The following FXR1 variants were observed in gnomAD, a reference collection of about 807,000 sequenced individuals.
The protein encoded by FXR1 is FMR1 autosomal homolog 1.
Under a neutral mutation model 84.0 loss-of-function variants are expected in FXR1, and 15 were observed. The observed-to-expected ratio is 0.18, with a 90% CI of 0.12 to 0.27. The LOEUF is 0.27. Among genes scored for constraint, FXR1 ranks in the 10% least tolerant of loss-of-function variants. The pLI is 1.00. For synonymous variants in FXR1, 245 were observed against 250.7 expected, an observed-to-expected ratio of 0.98 and a Z score of 0.21; for missense variants, 480 against 774.4, an observed-to-expected ratio of 0.62 and a Z score of 4.51.
chr3:180,933,485 C>CT, intron 2 of FXR1, 99 bp downstream of exon 2: 1 of 722,928 alleles, frequency 1.4e-6, no homozygotes, highest in Admixed American at 2.3e-5. Flanking sequence ...AATGATTTTG[C>CT]TTTTAGGGAG....
Position 180,968,269 on chromosome 3 carries a change from A to G in FXR1, c.1402+15A>G, listed in dbSNP as rs1376517928. 9.3e-6 allele frequency: 14 copies of G among 1,502,334 alleles called. No homozygotes were observed. Among genetic ancestry groups the G allele is most frequent in the Non-Finnish European group, 1.2e-5 (13 of 1,078,684 alleles). 93.1% of individuals were successfully genotyped at this position (1,502,334 alleles called of 1,614,324 possible). On this transcript the variant is annotated intron_variant, in intron 14 of 16. Transcript: ENST00000357559. ...CATCAGTTCTGGTAGTCTTTTCTAT[A>G]CTCTGTCAGCATCCATTATTTGTAA... is the stretch of plus-strand genomic sequence containing the variant.
intron 14 of FXR1, among the ~76,000 whole-genome samples, chr3:180,968,628 A>C (rs971108524): frequency 6.6e-6 from 1 of 152,194 alleles, no homozygotes; most frequent in African/African-American, 2.4e-5. Context: ...GAGAGATGTC[A>C]GTACTTTTCT....
At chr3:180,968,362 CTCA>C in intron 14 of FXR1, 108 bp downstream of exon 14, 1 of 728,660 alleles carries the variant, frequency 1.4e-6, no homozygotes, top group South Asian at 1.7e-5. Flanking sequence ...TCTCTTGCTA[CTCA>C]TTGTCTTAGA....
In FXR1 at chr3:180,978,803, A is replaced by T. The variant is rs1306676213; in HGVS notation, c.*2511A>T. 2 of 152,076 alleles carry T rather than the reference A, an allele frequency of 1.3e-5. No individual in the cohort carries two copies. The highest frequency in any genetic ancestry group is 2.9e-5 in the Non-Finnish European group (2 of 67,972). The allele number at this position is 152,076 out of a possible 1,614,324, so 9.4% of individuals were successfully genotyped here. ...ATATGACACCTGAACGGAATCATGAAGTAACAGCTGAGATTATATGGTGGC... is the reference window on the plus strand; with the variant it reads ...ATATGACACCTGAACGGAATCATGATGTAACAGCTGAGATTATATGGTGGC... On this transcript the variant is annotated 3_prime_UTR_variant, in exon 17 of 17. Transcript: ENST00000357559.
chr3:180,948,140 A>AGCATGTAAGGACCGCCAAGGTTCAT, intron 4 of FXR1: 1 of 612,922 alleles, frequency 1.6e-6, no homozygotes, highest in Non-Finnish European at 2.9e-6. Flanking sequence ...GTACACCTCA[A>AGCATGTAAGGACCGCCAAGGTTCAT]GCATGTAAGG....
intron 2 of FXR1, among the ~76,000 whole-genome samples, chr3:180,933,774 A>AATTT (rs1480664280): frequency 2.0e-5 from 3 of 152,164 alleles, no homozygotes; most frequent in African/African-American, 7.2e-5. Flanking sequence ...TGCAGTCTAA[A>AATTT]AATGGGAAAG....
At chr3:180,912,886 A>G in intron 1 of FXR1, 150 bp downstream of exon 1, 1 of 1,403,446 alleles carries the variant, frequency 7.1e-7, no homozygotes, top group South Asian at 1.2e-5. Context: ...TCCCCCCTCC[A>G]CCCGCGGTTT....
intron 8 of FXR1, among the ~76,000 whole-genome samples, chr3:180,952,403 A>G (rs1722314136): frequency 6.6e-6 from 1 of 152,196 alleles, no homozygotes; most frequent in African/African-American, 2.4e-5. Context: ...ATAGTAATTA[A>G]GAAGACAGAC....
intron 8 of FXR1, among the ~76,000 whole-genome samples, chr3:180,952,301 A>G (rs1722304704): frequency 1.3e-5 from 2 of 152,132 alleles, no homozygotes; most frequent in Admixed American, 1.3e-4. Flanking sequence ...GACTTTTCAT[A>G]CATAGCTCTT....
At chr3:180,939,719 C>T (rs545878327) in intron 3 of FXR1, among the ~76,000 whole-genome samples, 1 of 152,272 alleles carries the variant, frequency 6.6e-6, no homozygotes, top group East Asian at 1.9e-4. Context: ...AAGCTGATAA[C>T]CAGTTTCATT....
chr3:180,915,375 T>C (rs1717760589), intron 1 of FXR1: 7 of 644,306 alleles, frequency 1.1e-5, no homozygotes, highest in Non-Finnish European at 1.8e-5. Context: ...TAGAGTGTTT[T>C]CTGTCCCCAT....
At chr3:180,924,532 G>A (rs530839664) in intron 1 of FXR1, among the ~76,000 whole-genome samples, 21 of 152,336 alleles carry the variant, frequency 1.4e-4, no homozygotes, top group East Asian at 1.3e-3. Flanking sequence ...GACTGTGGAC[G>A]TGTTGATTTT....
intron 3 of FXR1, among the ~76,000 whole-genome samples, chr3:180,936,371 G>A (rs1186834818): frequency 6.6e-6 from 1 of 152,110 alleles, no homozygotes; most frequent in African/African-American, 2.4e-5. Context: ...AGGTTCAAGC[G>A]ATTCTCCTGC....
At chr3:180,917,936 G>A (rs1199636420) in intron 1 of FXR1, among the ~76,000 whole-genome samples, 3 of 114,772 alleles carry the variant, frequency 2.6e-5, no homozygotes, top group Non-Finnish European at 4.9e-5. Flanking sequence ...GACAGAGTGA[G>A]ACTCTGTCTC....
rs959908736 is a variant in FXR1, at chr3:180,977,947, C to A, written c.*1655C>A. ...TTTTCCTGAGGCCTTCTGATTGGTT[C>A]TTGGTAACAGAATTTTAAAGTAAGG... On this transcript the variant is annotated 3_prime_UTR_variant, in exon 17 of 17. Coordinates refer to ENST00000357559, the MANE Select transcript of FXR1 (RefSeq NM_005087.4). 6.6e-6 allele frequency: 1 copy of A among 151,826 alleles called. No homozygotes were observed. The highest frequency in any genetic ancestry group is 1.5e-5 in the Non-Finnish European group (1 of 67,940). 9.4% of individuals were successfully genotyped at this position (151,826 alleles called of 1,614,324 possible).
intron 2 of FXR1, 83 bp from the exon 3 acceptor site, chr3:180,935,055 A>G (rs1350875719): frequency 1.1e-5 from 7 of 647,776 alleles, no homozygotes; most frequent in Non-Finnish European, 1.9e-5. Flanking sequence ...AAGCTAAATG[A>G]TAAACTAACT....
At chr3:180,947,093 C>T (rs188280460) in intron 3 of FXR1, among the ~76,000 whole-genome samples, 1 of 152,144 alleles carries the variant, frequency 6.6e-6, no homozygotes, top group Admixed American at 6.5e-5. Flanking sequence ...GCTCTAGGTG[C>T]CTAGGCTGGA....
intron 3 of FXR1, among the ~76,000 whole-genome samples, chr3:180,942,377 C>CAAAAAAAAAAAAAAAAAAAAAAA (rs765066164): frequency 3.2e-5 from 1 of 31,106 alleles, no homozygotes; most frequent in African/African-American, 1.1e-4. Flanking sequence ...GACTCCGTCT[C>CAAAAAAAAAAAAAAAAAAAAAAA]AAAAAAAAAA....
chr3:180,933,882 G>A (rs1404195773), intron 2 of FXR1, among the ~76,000 whole-genome samples: 3 of 152,024 alleles, frequency 2.0e-5, no homozygotes, highest in South Asian at 2.1e-4. Context: ...AGGCCGAGGC[G>A]GGCAGATCAC....
Sources: gnomAD v4.1 joint callset for allele counts (sites outside exome capture counted in the v4.1 genomes callset) on GRCh38, gnomAD v4.1.1 for gene constraint, MANE v1.5 for transcripts, NCBI Gene and HGNC (gene_info 2026-07-23, HGNC 2026-07-21) for gene names.